GLB1L2: variants seen among roughly 807,000 people sequenced by gnomAD.
GLB1L2 encodes beta-galactosidase-1-like protein 2.
In GLB1L2, 68 loss-of-function variants were observed where a neutral mutation model predicts 84.1. That is an observed-to-expected ratio of 0.81 (90% confidence interval 0.67 to 0.99). The LOEUF (loss-of-function observed/expected upper bound fraction) is 0.99. Ranked by LOEUF, GLB1L2 falls within the 50% of genes least tolerant of loss-of-function variation. The pLI is 0.00. For missense variants in GLB1L2, 762 were observed against 805.6 expected (o/e 0.95, Z 0.66); for synonymous variants, 290 against 318.0 (o/e 0.91, Z 0.94).
chr11:134,336,786 C>T (rs547406728), intron 1 of GLB1L2, among the ~76,000 whole-genome samples: 11 of 152,062 alleles, frequency 7.2e-5, no homozygotes, highest in East Asian at 5.8e-4. Flanking sequence ...AATGTTTTTC[C>T]GTATTTGTGA....
Position 134,374,622 on chromosome 11 carries a change from A to G in GLB1L2, c.1728A>G (p.Val576=). The part of the protein sequence containing the change: ...LKLEGWEKGV[V]FINGQNLGRY... ...TCAAGGGCTGGGAGAAGGGGGTTGT[A>G]TTCATCAATGGCCAGAACCTTGGAC... is the stretch of plus-strand genomic sequence containing the variant. Residue 576 remains valine, a synonymous_variant, in exon 18 of 19, where the codon GTA becomes GTG. Transcript: ENST00000535456. 1 of 1,613,926 alleles carries G rather than the reference A, an allele frequency of 6.2e-7. No homozygotes were observed. The highest frequency in any genetic ancestry group is 8.5e-7 in the Non-Finnish European group (1 of 1,179,894).
At position 134,364,646 on chromosome 11, in the gene GLB1L2, C is replaced by T. The variant is rs200333553; in HGVS notation, c.804+248C>T. ...CCCTGAGAGAGGGGCCCTTTTGGTGCACTCCTAGAGGACTCGACTTTTGTG... is the reference window on the plus strand; with the variant it reads ...CCCTGAGAGAGGGGCCCTTTTGGTGTACTCCTAGAGGACTCGACTTTTGTG... On this transcript the variant is annotated intron_variant, in intron 8 of 18. Coordinates refer to ENST00000535456, the MANE Select transcript of GLB1L2 (RefSeq NM_001370461.1). The T allele has an allele frequency of 4.4e-4, 221 of 507,250 alleles. 3 individuals carry two copies. The East Asian group carries it at 6.0e-3, about 14-fold the overall frequency. 31.4% of individuals were successfully genotyped at this position (507,250 alleles called of 1,614,324 possible).
At chr11:134,357,002 A>C (rs1943712117) in intron 6 of GLB1L2, among the ~76,000 whole-genome samples, 1 of 152,222 alleles carries the variant, frequency 6.6e-6, no homozygotes. Flanking sequence ...AAGTGTGACT[A>C]ATAGGAGTAT....
intron 7 of GLB1L2, among the ~76,000 whole-genome samples, chr11:134,362,765 G>A (rs1241336750): frequency 2.0e-5 from 3 of 152,228 alleles, no homozygotes; most frequent in Non-Finnish European, 4.4e-5. Flanking sequence ...CCCCCGAGGA[G>A]GGGATGGGCC....
chr11:134,338,666 C>T lies in GLB1L2; in HGVS notation c.87-4088C>T, dbSNP rs1466835933. On this transcript the variant is annotated intron_variant, in intron 1 of 18. Transcript: ENST00000535456. This position sits in a 1 kb window ranked among gnomAD's most constrained non-coding sequence, Gnocchi z 6.2. ...GCACAGCAGAACTTGGTACCTATGT[C>T]CTCTGCTTCAGGTTTCCATTGCAAC... is the stretch of plus-strand genomic sequence containing the variant. 6.6e-6 allele frequency among the ~76,000 whole-genome samples: 1 copy of T among 152,226 alleles called. No individual in the cohort carries two copies. The highest frequency in any genetic ancestry group is 2.4e-5 in the African/African-American group (1 of 41,460).
intron 4 of GLB1L2, 116 bp downstream of exon 4, chr11:134,345,245 T>A (rs1943538141): frequency 8.4e-7 from 1 of 1,192,040 alleles, no homozygotes; most frequent in African/African-American, 1.6e-5. Flanking sequence ...CAGTTCCCAT[T>A]CTGTACTGAA....
At chr11:134,364,564 C>G (rs1943841100) in intron 8 of GLB1L2, 166 bp downstream of exon 8, 1 of 619,360 alleles carries the variant, frequency 1.6e-6, no homozygotes, top group Admixed American at 3.0e-5. Context: ...GCCCGCTGCC[C>G]AGAAACACCT....
chr11:134,352,636 C>T (rs1943648180), intron 5 of GLB1L2, among the ~76,000 whole-genome samples: 1 of 150,174 alleles, frequency 6.7e-6, no homozygotes, highest in African/African-American at 2.4e-5. Flanking sequence ...TTTCATTTTT[C>T]TCAATATGTC....
intron 5 of GLB1L2, among the ~76,000 whole-genome samples, chr11:134,351,533 T>A (rs1034920981): frequency 6.6e-6 from 1 of 151,992 alleles, no homozygotes; most frequent in Non-Finnish European, 1.5e-5. Flanking sequence ...TCAGTAGAGA[T>A]GGGGTTTTAC....
In GLB1L2 at chr11:134,345,120, G is replaced by A. The variant is rs149512170; in HGVS notation, c.440G>A (p.Gly147Asp). ...ATCTGCAGTGAGATGGACCTCGGGGGCTTGCCCAGGTAAGCGGGGTTGTGA... is the reference window on the plus strand; with the variant it reads ...ATCTGCAGTGAGATGGACCTCGGGGACTTGCCCAGGTAAGCGGGGTTGTGA... ...PYICSEMDLG[G>D]LPSWLLQDPG... The change falls in exon 4 of 19, where the codon GGC (glycine) becomes GAC (aspartate). Residue 147 changes from glycine (G) to aspartate (D), a missense_variant. Physicochemically the swap from Gly to Asp is moderately conservative, Grantham distance 94. Around this residue, in one of 3 missense-constraint regions of GLB1L2, gnomAD observed 59 missense variants for 105.1 expected, o/e 0.56. Transcript: ENST00000535456. The A allele has an allele frequency of 4.2e-5, 68 of 1,611,218 alleles. No homozygotes were observed. The highest frequency in any genetic ancestry group is 3.3e-4 in the African/African-American group (25 of 74,870).
chr11:134,344,617 C>T (rs956607675), intron 3 of GLB1L2, among the ~76,000 whole-genome samples, 162 bp downstream of exon 3: 60 of 152,388 alleles, frequency 3.9e-4, no homozygotes, highest in African/African-American at 1.0e-3. Flanking sequence ...GCTCCCCAGT[C>T]GTGACCTGTC....
Position 134,342,864 on chromosome 11 carries a change from G to A in GLB1L2, c.197G>A (p.Gly66Asp), listed in dbSNP as rs562625440. 1.1e-5 allele frequency: 18 copies of A among 1,614,008 alleles called. No homozygotes were observed. Among genetic ancestry groups the A allele is most frequent in the South Asian group, 3.3e-5 (3 of 91,062 alleles). Residue 66 changes from glycine to aspartate, a missense_variant, in exon 2 of 19, where the codon GGC becomes GAC. By Grantham distance (94) the Gly-to-Asp change is moderately conservative. Around this residue, in one of 3 missense-constraint regions of GLB1L2, gnomAD observed 100 missense variants for 88.8 expected, o/e 1.13. Coordinates refer to ENST00000535456, the MANE Select transcript of GLB1L2 (RefSeq NM_001370461.1). Reference sequence around the variant, plus strand: ...GATTCCACCTTCTGGATCTTCGGGGGCTCCATCCACTATTTCCGTGTGCCC... The same window carrying A: ...GATTCCACCTTCTGGATCTTCGGGGACTCCATCCACTATTTCCGTGTGCCC... ...LEDSTFWIFG[G>D]SIHYFRVPRE...
Position 134,370,389 on chromosome 11 carries a change from A to G in GLB1L2, c.1205A>G (p.Tyr402Cys), listed in dbSNP as rs753078637. Reference protein sequence around the residue: ...LYLSLWDALKYLGEPIKSEKP... With the variant: ...LYLSLWDALKCLGEPIKSEKP... Reference sequence around the variant, plus strand: ...CTGTCTCTGTGGGACGCCCTCAAGTACCTGGGGGAGGTGAGTGCTGTGGGC... The same window carrying G: ...CTGTCTCTGTGGGACGCCCTCAAGTGCCTGGGGGAGGTGAGTGCTGTGGGC... The change falls in exon 12 of 19, where the codon TAC becomes TGC. Residue 402 changes from tyrosine to cysteine, a missense_variant. Coordinates refer to ENST00000535456, the MANE Select transcript of GLB1L2 (RefSeq NM_001370461.1). The surrounding 1 kb of genome is among the most constrained non-coding windows in gnomAD (Gnocchi z 4.7). 6.2e-7 allele frequency: 1 copy of G among 1,611,802 alleles called. No homozygotes were observed. Among genetic ancestry groups the G allele is most frequent in the Middle Eastern group, 1.7e-4 (1 of 6,052 alleles).
chr11:134,365,303 C>T (rs11223770), intron 8 of GLB1L2, among the ~76,000 whole-genome samples: 3 of 152,210 alleles, frequency 2.0e-5, no homozygotes, highest in South Asian at 2.1e-4. Flanking sequence ...GGGCTGGCCC[C>T]GCTCCCAGGC....
rs749017302 is a variant in GLB1L2 at position 134,342,832 on chromosome 11, G to C, written c.165G>C (p.Met55Ile). The C allele has an allele frequency of 5.6e-6, 9 of 1,614,066 alleles. No homozygotes were observed. Among genetic ancestry groups the C allele is most frequent in the Non-Finnish European group, 7.6e-6 (9 of 1,180,030 alleles). Reference sequence around the variant, plus strand: ...TGCAGGCCAAGGGCTGGAACTTCATGCTGGAGGATTCCACCTTCTGGATCT... The same window carrying C: ...TGCAGGCCAAGGGCTGGAACTTCATCCTGGAGGATTCCACCTTCTGGATCT... ...LGLQAKGWNF[M>I]LEDSTFWIFG... Residue 55 changes from methionine (M) to isoleucine (I), a missense_variant, in exon 2 of 19, where the codon ATG becomes ATC. By Grantham distance (10) the Met-to-Ile change is conservative (BLOSUM62 1). Around this residue, in one of 3 missense-constraint regions of GLB1L2, gnomAD observed 100 missense variants for 88.8 expected, o/e 1.13. Coordinates refer to ENST00000535456, the MANE Select transcript of GLB1L2 (RefSeq NM_001370461.1).
intron 17 of GLB1L2, 79 bp from the exon 18 acceptor site, chr11:134,374,523 G>T: frequency 8.7e-7 from 1 of 1,154,442 alleles, no homozygotes; most frequent in South Asian, 1.3e-5. Flanking sequence ...CTGGACCTGA[G>T]AGAAGCACGC....
chr11:134,335,571 CAGA>C (rs561959996), intron 1 of GLB1L2, among the ~76,000 whole-genome samples: 166 of 152,186 alleles, frequency 1.1e-3, no homozygotes, highest in African/African-American at 3.6e-3. Context: ...TAGCCACCAG[CAGA>C]AGGAGACCAG....
In GLB1L2 at chr11:134,375,148, C is replaced by A; in HGVS notation, c.*90C>A. 1.0e-6 allele frequency: 1 copy of A among 969,102 alleles called. No individual in the cohort carries two copies. The highest frequency in any genetic ancestry group is 1.5e-5 in the South Asian group (1 of 66,642). The allele number at this position is 969,102 out of a possible 1,614,324, so 60.0% of individuals were successfully genotyped here. ...GTGGCTGCTGCCCCACCCCTCACTG[C>A]AAAAGCATCTCCTTAAGTAGCAACC... On this transcript the variant is annotated 3_prime_UTR_variant, in exon 19 of 19. Coordinates refer to ENST00000535456, the MANE Select transcript of GLB1L2 (RefSeq NM_001370461.1).
At position 134,333,895 on chromosome 11, in the gene GLB1L2, A is replaced by G. The variant is rs533178124; in HGVS notation, c.86+1748A>G. Among the ~76,000 whole-genome samples the G allele has an allele frequency of 1.5e-3, 231 of 152,356 alleles. 1 individual carries two copies. The highest frequency in any genetic ancestry group is 5.3e-3 in the African/African-American group (222 of 41,580). On this transcript the variant is annotated intron_variant, in intron 1 of 18. Transcript: ENST00000535456. ...TCTCCATCCTTCTAGCAGGTAGAAC[A>G]GAAGCTCAAGGAGCTCTGAACCAAG...
Sources: gnomAD v4.1 joint callset for allele counts (sites outside exome capture counted in the v4.1 genomes callset) on GRCh38, gnomAD v4.1.1 for gene constraint, gnomAD v4.1.1 regional missense constraint, Gnocchi (gnomAD v3.1) non-coding constraint, MANE v1.5 for transcripts, NCBI Gene and HGNC (gene_info 2026-07-23, HGNC 2026-07-21) for gene names.